Variants in HIVEP3 observed in about 807,000 individuals in gnomAD.
HIVEP3 encodes HIVEP zinc finger 3.
HIVEP3 carries 49 observed loss-of-function variants against 152.8 expected under a neutral mutation model. That is an observed-to-expected ratio of 0.32 (90% confidence interval 0.26 to 0.41). The LOEUF (loss-of-function observed/expected upper bound fraction) is 0.41. Among genes scored for constraint, HIVEP3 ranks in the 10% least tolerant of loss-of-function variants. The pLI is 1.00. For missense variants in HIVEP3, 2,790 were observed against 3,103.3 expected, an observed-to-expected ratio of 0.90 and a Z score of 2.40; for synonymous variants, 1,269 against 1,289.0, an observed-to-expected ratio of 0.98 and a Z score of 0.33.
At chr1:41,881,726 A>G (rs772409718) in intron 1 of HIVEP3, among the ~76,000 whole-genome samples, 10 of 152,246 alleles carry the variant, frequency 6.6e-5, no homozygotes, top group Admixed American at 3.9e-4. Context: ...GAAGGACCAT[A>G]CACTCAGCCC....
intron 3 of HIVEP3, among the ~76,000 whole-genome samples, chr1:41,595,876 T>G (rs1644658557): frequency 6.6e-6 from 1 of 152,214 alleles, no homozygotes; most frequent in South Asian, 2.1e-4. Flanking sequence ...CAGACTGGCT[T>G]CCTTGCTTGC....
chr1:41,586,987 A>C (rs1644515094), intron 3 of HIVEP3, among the ~76,000 whole-genome samples: 1 of 152,138 alleles, frequency 6.6e-6, no homozygotes, highest in African/African-American at 2.4e-5. Flanking sequence ...TATACCAATA[A>C]TAAGGACTTA....
intron 1 of HIVEP3, among the ~76,000 whole-genome samples, chr1:41,966,763 G>A (rs770968467): frequency 2.6e-5 from 4 of 151,728 alleles, no homozygotes; most frequent in Non-Finnish European, 4.4e-5. Context: ...TTACAGGCGT[G>A]AGCCACCATG....
intron 3 of HIVEP3, among the ~76,000 whole-genome samples, chr1:41,602,453 TTTCTTCA>T (rs144814388): frequency 0.027 from 4,124 of 152,238 alleles, 184 homozygotes; most frequent in African/African-American, 0.093. Flanking sequence ...AGACTTTATA[TTTCTTCA>T]TAATTTAGTC....
chr1:41,950,689 A>G (rs1645101909), intron 1 of HIVEP3, among the ~76,000 whole-genome samples: 4 of 152,210 alleles, frequency 2.6e-5, no homozygotes, highest in African/African-American at 7.2e-5. Context: ...CCATTAATAT[A>G]ACATGTAAAT....
In HIVEP3 at chr1:41,841,740, A is replaced by G. The variant is rs76462076; in HGVS notation, c.-801+76673T>C. ...ATGGCTCCAGAGGGAGTGTTCTTCT[A>G]AGACCTGGTGAGGTAAGTGTGCTTA... is the stretch of plus-strand genomic sequence containing the variant. On this transcript the variant is annotated intron_variant, in intron 1 of 8. Coordinates refer to ENST00000372583, the MANE Select transcript of HIVEP3 (RefSeq NM_024503.5). Among the ~76,000 whole-genome samples the G allele has an allele frequency of 1.8e-4, 27 of 152,316 alleles. No homozygotes were observed. In the East Asian group the frequency reaches 5.2e-3, roughly 29 times the overall value.
intron 1 of HIVEP3, among the ~76,000 whole-genome samples, chr1:41,907,691 G>A (rs550682945): frequency 3.3e-5 from 5 of 152,322 alleles, no homozygotes; most frequent in South Asian, 4.1e-4. Context: ...TGTCCCTTGC[G>A]CAGAAGTTAC....
intron 1 of HIVEP3, among the ~76,000 whole-genome samples, chr1:41,775,055 G>A (rs1010193687): frequency 2.6e-4 from 40 of 151,718 alleles, no homozygotes; most frequent in African/African-American, 8.7e-4. Flanking sequence ...CTCCCTCCTC[G>A]GTCTCCCAAA....
At chr1:41,655,622 G>C (rs1485517240) in intron 2 of HIVEP3, among the ~76,000 whole-genome samples, 2 of 145,600 alleles carry the variant, frequency 1.4e-5, no homozygotes, top group African/African-American at 5.1e-5. Context: ...GGGAGAGAGA[G>C]AGAAAAGAGC....
chr1:41,838,300 C>T (rs1245787886), intron 1 of HIVEP3, among the ~76,000 whole-genome samples: 1 of 152,166 alleles, frequency 6.6e-6, no homozygotes, highest in Non-Finnish European at 1.5e-5. Context: ...GCATTTCCAT[C>T]GCACAAGGAT....
intron 2 of HIVEP3, among the ~76,000 whole-genome samples, chr1:41,668,701 A>G (rs1273463990): frequency 6.6e-6 from 1 of 152,174 alleles, no homozygotes; most frequent in East Asian, 1.9e-4. Context: ...AACTCGTCCT[A>G]TAAGCTCTCC....
At chr1:41,585,397 C>A in intron 3 of HIVEP3, 79 bp from the exon 4 acceptor site, 1 of 398,658 alleles carries the variant, frequency 2.5e-6, no homozygotes, top group South Asian at 1.3e-4. Flanking sequence ...CATGCACAGC[C>A]TGGGCAGCCC....
At chr1:41,794,005 C>T (rs1483714833) in intron 1 of HIVEP3, among the ~76,000 whole-genome samples, 1 of 152,202 alleles carries the variant, frequency 6.6e-6, no homozygotes, top group Non-Finnish European at 1.5e-5. Flanking sequence ...TCTCCAGTCT[C>T]TTAATATTGC....
intron 2 of HIVEP3, among the ~76,000 whole-genome samples, chr1:41,644,693 CTTTTTTTTTT>C (rs60511656): frequency 5.4e-5 from 4 of 74,738 alleles, no homozygotes; most frequent in Admixed American, 1.9e-4. Context: ...CATATCTGTT[CTTTTTTTTTT>C]TTTTTTTTTT....
At chr1:41,908,758 C>G (rs974956197) in intron 1 of HIVEP3, among the ~76,000 whole-genome samples, 1 of 152,118 alleles carries the variant, frequency 6.6e-6, no homozygotes, top group Admixed American at 6.5e-5. Flanking sequence ...ATTCAGTGAG[C>G]AAAAACTAAG....
intron 1 of HIVEP3, among the ~76,000 whole-genome samples, chr1:41,878,967 G>T (rs1056056984): frequency 6.6e-6 from 1 of 150,630 alleles, no homozygotes; most frequent in Admixed American, 6.6e-5. Flanking sequence ...CTCTTCCACG[G>T]CTGGGGATGG....
intron 1 of HIVEP3, among the ~76,000 whole-genome samples, chr1:41,709,936 G>A (rs1040555986): frequency 6.6e-6 from 1 of 152,108 alleles, no homozygotes; most frequent in Non-Finnish European, 1.5e-5. Flanking sequence ...TTGGAGGGAC[G>A]TGTCTGGAGT....
intron 3 of HIVEP3, among the ~76,000 whole-genome samples, chr1:41,614,207 C>T (rs1023363285): frequency 3.9e-5 from 6 of 152,214 alleles, no homozygotes; most frequent in South Asian, 2.1e-4. Flanking sequence ...GCACATGGGA[C>T]GGCACTCAAT....
At position 41,558,011 on chromosome 1, in the gene HIVEP3, C is replaced by A. The variant is rs1378201417; in HGVS notation, c.5207+17533G>T. 3.9e-5 allele frequency among the ~76,000 whole-genome samples: 6 copies of A among 152,224 alleles called. No individual in the cohort carries two copies. In the South Asian group the frequency reaches 1.2e-3, roughly 32 times the overall value. ...GCTTACAGACGAACAAATGGAGCTA[C>A]ACGGAGGTGGAGGAATGTGCCCAGC... On this transcript the variant is annotated intron_variant, in intron 5 of 8. Transcript: ENST00000372583.
Sources: allele counts gnomAD v4.1 joint callset (sites outside exome capture counted in the v4.1 genomes callset), GRCh38; gene constraint gnomAD v4.1.1; transcripts MANE v1.5; gene names NCBI Gene and HGNC (gene_info 2026-07-23, HGNC 2026-07-21).